IARS1: variants seen among roughly 807,000 people sequenced by gnomAD.
IARS1 encodes isoleucine--tRNA ligase, cytoplasmic.
Under a neutral mutation model 168.2 loss-of-function variants are expected in IARS1, and 124 were observed. The observed-to-expected ratio is 0.74, with a 90% CI of 0.64 to 0.86. The LOEUF is 0.86. Among genes scored for constraint, IARS1 ranks in the 40% least tolerant of loss-of-function variants. The probability of loss-of-function intolerance (pLI) is 0.00; values close to 1 mark genes in which losing one functional copy is unlikely to be tolerated. For synonymous variants in IARS1, 532 were observed against 529.4 expected (o/e 1.00, Z -0.07); for missense variants, 1,452 against 1,515.8 (o/e 0.96, Z 0.70).
At chr9:92,247,289 G>A (rs1829346615) in intron 26 of IARS1, 88 bp downstream of exon 26, 1 of 1,195,456 alleles carries the variant, frequency 8.4e-7, no homozygotes, top group Non-Finnish European at 1.2e-6. Context: ...GAAAGGAAAG[G>A]ATGTGATATT....
intron 28 of IARS1, 69 bp from the exon 29 acceptor site, chr9:92,242,399 G>C (rs1828569496): frequency 1.6e-6 from 2 of 1,231,770 alleles, no homozygotes; most frequent in Admixed American, 4.5e-5. Flanking sequence ...GGAAGGTACT[G>C]TTGAACAAGG....
intron 31 of IARS1, among the ~76,000 whole-genome samples, chr9:92,227,395 C>A (rs1564158945): frequency 7.0e-6 from 1 of 142,946 alleles, no homozygotes; most frequent in African/African-American, 2.7e-5. Flanking sequence ...GGCAGAGGCG[C>A]CCCTCACCTC....
intron 14 of IARS1, 139 bp downstream of exon 14, chr9:92,268,035 A>C: frequency 1.1e-6 from 1 of 893,562 alleles, no homozygotes; most frequent in Non-Finnish European, 1.6e-6. Flanking sequence ...TCATGATTCT[A>C]GAAAGGAATA....
At chr9:92,230,974 T>C (rs768283776) in intron 30 of IARS1, among the ~76,000 whole-genome samples, 3 of 152,262 alleles carry the variant, frequency 2.0e-5, no homozygotes, top group Non-Finnish European at 2.9e-5. Context: ...GATCTTTACG[T>C]ATTCTAGATA....
At chr9:92,286,151 T>C (rs561382598) in intron 5 of IARS1, 60 of 293,380 alleles carry the variant, frequency 2.0e-4, no homozygotes, top group African/African-American at 1.2e-3. Context: ...ATGGATCACC[T>C]AGGTCAGAAG....
At chr9:92,251,239 C>T (rs1829972699) in intron 22 of IARS1, 2 of 446,076 alleles carry the variant, frequency 4.5e-6, no homozygotes, top group African/African-American at 2.0e-5. Context: ...GCACCTTGTA[C>T]AAAGCAGATT....
chr9:92,275,758 T>C (rs1467687359), intron 9 of IARS1, among the ~76,000 whole-genome samples: 1 of 152,236 alleles, frequency 6.6e-6, no homozygotes, highest in Non-Finnish European at 1.5e-5. Context: ...CCATAGGCAG[T>C]GTCCGCTGAC....
At chr9:92,271,133 T>C in intron 11 of IARS1, 57 bp from the exon 12 acceptor site, 3 of 1,010,110 alleles carry the variant, frequency 3.0e-6, no homozygotes, top group Middle Eastern at 2.2e-4. Flanking sequence ...TTAGGAACAA[T>C]ATATTACTAG....
intron 30 of IARS1, among the ~76,000 whole-genome samples, chr9:92,238,674 AG>A (rs927782332): frequency 6.6e-6 from 1 of 152,202 alleles, no homozygotes; most frequent in African/African-American, 2.4e-5. Context: ...AACATATTTT[AG>A]AGTTCCATTT....
At chr9:92,273,371 A>T (rs1833361432) in intron 10 of IARS1, among the ~76,000 whole-genome samples, 1 of 152,184 alleles carries the variant, frequency 6.6e-6, no homozygotes, top group Non-Finnish European at 1.5e-5. Flanking sequence ...TTATACTGAA[A>T]ATAAAAGTCC....
At chr9:92,283,253 A>G (rs1380679047) in intron 6 of IARS1, among the ~76,000 whole-genome samples, 1 of 152,258 alleles carries the variant, frequency 6.6e-6, no homozygotes, top group Non-Finnish European at 1.5e-5. Flanking sequence ...AAGAATGGTG[A>G]CAAAATTGAG....
chr9:92,271,754 T>C, intron 10 of IARS1, 99 bp from the exon 11 acceptor site: 2 of 1,296,504 alleles, frequency 1.5e-6, no homozygotes, highest in Non-Finnish European at 1.1e-6. Flanking sequence ...TATTGTAACA[T>C]ATACATTTCA....
At chr9:92,293,408 T>C (rs374300015) in intron 1 of IARS1, 23 of 529,466 alleles carry the variant, frequency 4.3e-5, no homozygotes, top group African/African-American at 9.7e-5. Flanking sequence ...ATGTATATCA[T>C]TTTAAAAAGA....
intron 12 of IARS1, 149 bp from the exon 13 acceptor site, chr9:92,270,132 A>T (rs1413730326): frequency 3.7e-6 from 2 of 545,622 alleles, no homozygotes; most frequent in African/African-American, 3.8e-5. Context: ...AACATCTAAG[A>T]CTTCAAAATT....
intron 20 of IARS1, among the ~76,000 whole-genome samples, chr9:92,256,203 T>G (rs1488279925): frequency 2.6e-5 from 4 of 151,310 alleles, no homozygotes; most frequent in Non-Finnish European, 5.9e-5. Context: ...TTTTTTAAGA[T>G]GGAGTTTCGC....
intron 21 of IARS1, 63 bp downstream of exon 21, chr9:92,253,299 A>T (rs1332218620): frequency 1.2e-5 from 12 of 1,017,730 alleles, no homozygotes; most frequent in Admixed American, 8.7e-5. Flanking sequence ...GGCTATTCTC[A>T]TATTTCTTCT....
At chr9:92,255,379 T>G (rs1830574921) in intron 20 of IARS1, among the ~76,000 whole-genome samples, 1 of 152,172 alleles carries the variant, frequency 6.6e-6, no homozygotes, top group African/African-American at 2.4e-5. Flanking sequence ...TCTTTTGCCC[T>G]CACTGTGACC....
chr9:92,269,526 T>C (rs889727268), intron 13 of IARS1, among the ~76,000 whole-genome samples: 1 of 152,158 alleles, frequency 6.6e-6, no homozygotes, highest in African/African-American at 2.4e-5. Flanking sequence ...TGCAGGTATA[T>C]CTGAAAATAA....
chr9:92,228,303 G>A (rs1826083446), intron 31 of IARS1, among the ~76,000 whole-genome samples: 1 of 151,712 alleles, frequency 6.6e-6, no homozygotes. Context: ...TTTTTCAGAG[G>A]TCACAATTCA....
Sources: gnomAD v4.1 joint callset for allele counts (sites outside exome capture counted in the v4.1 genomes callset) on GRCh38, gnomAD v4.1.1 for gene constraint, MANE v1.5 for transcripts, NCBI Gene and HGNC (gene_info 2026-07-23, HGNC 2026-07-21) for gene names.